Variants in LMNTD1 observed in about 807,000 individuals in gnomAD.
The protein encoded by LMNTD1 is lamin tail domain containing 1.
A neutral mutation model predicts 50.9 loss-of-function variants in LMNTD1; 35 were observed. The observed-to-expected ratio is 0.69, with a 90% confidence interval of 0.53 to 0.91. The LOEUF (loss-of-function observed/expected upper bound fraction) is 0.91, where lower values mean the gene tolerates loss of function less well. LMNTD1 is among the 40% of genes least tolerant of loss of function. The pLI, the probability that LMNTD1 is intolerant of heterozygous loss-of-function variation, is 0.00. For synonymous variants in LMNTD1, 153 were observed against 161.9 expected (o/e 0.94, Z 0.42); for missense variants, 470 against 475.5 (o/e 0.99, Z 0.11).
chr12:25,542,174 G>T (rs1328857239), intron 4 of LMNTD1, among the ~76,000 whole-genome samples: 2 of 151,970 alleles, frequency 1.3e-5, no homozygotes, highest in Admixed American at 1.3e-4. Flanking sequence ...CGATTCCTCA[G>T]GGATCTAGAA....
chr12:25,478,222 C>T (rs774287622), intron 9 of LMNTD1, among the ~76,000 whole-genome samples: 2 of 152,136 alleles, frequency 1.3e-5, no homozygotes, highest in Non-Finnish European at 2.9e-5. Flanking sequence ...CAAGTCCACC[C>T]TTTGTCAACT....
At chr12:25,562,291 G>C (rs189830945) in intron 1 of LMNTD1, among the ~76,000 whole-genome samples, 27 of 152,290 alleles carry the variant, frequency 1.8e-4, no homozygotes, top group African/African-American at 6.0e-4. Flanking sequence ...TCCTTTCCAT[G>C]TTTAGTGCTT....
At chr12:25,555,883 TCAA>T (rs1273515721), upstream of LMNTD1, among the ~76,000 whole-genome samples, 1 of 150,898 alleles carries the variant, frequency 6.6e-6, no homozygotes, top group East Asian at 1.9e-4. Context: ...AATGGTGTCA[TCAA>T]CATGGCTGTG....
intron 1 of LMNTD1, among the ~76,000 whole-genome samples, chr12:25,594,083 T>C (rs1351649297): frequency 6.6e-6 from 1 of 152,170 alleles, no homozygotes; most frequent in Non-Finnish European, 1.5e-5. Context: ...CGACCAAACC[T>C]AACAATAATT....
intron 9 of LMNTD1, among the ~76,000 whole-genome samples, chr12:25,481,017 T>G (rs1434905950): frequency 6.6e-6 from 1 of 152,176 alleles, no homozygotes; most frequent in Non-Finnish European, 1.5e-5. Flanking sequence ...TCTACTCTCC[T>G]CCCATACTCA....
chr12:25,542,766 A>G (rs556099231), intron 4 of LMNTD1, among the ~76,000 whole-genome samples: 1 of 149,230 alleles, frequency 6.7e-6, no homozygotes, highest in South Asian at 2.1e-4. Context: ...AAAAAGCCCA[A>G]AGTAGACAGA....
intron 9 of LMNTD1, among the ~76,000 whole-genome samples, chr12:25,490,498 C>T (rs1938848811): frequency 6.6e-6 from 1 of 152,096 alleles, no homozygotes; most frequent in South Asian, 2.1e-4. Flanking sequence ...AAGTGAAGCC[C>T]TTACATTCTT....
intron 9 of LMNTD1, among the ~76,000 whole-genome samples, chr12:25,479,005 A>G (rs1183561165): frequency 6.6e-6 from 1 of 152,112 alleles, no homozygotes; most frequent in African/African-American, 2.4e-5. Context: ...GGTAATACTA[A>G]GAGATGCCCT....
intron 4 of LMNTD1, among the ~76,000 whole-genome samples, chr12:25,527,681 T>TATATATACACACAC (rs1463259109): frequency 3.4e-4 from 11 of 32,338 alleles, no homozygotes; most frequent in South Asian, 1.0e-3. Flanking sequence ...TATATATATA[T>TATATATACACACAC]ACACACACAC....
chr12:25,505,288 G>A (rs118093699), intron 8 of LMNTD1, among the ~76,000 whole-genome samples: 2,573 of 152,182 alleles, frequency 0.017, 35 homozygotes, highest in Non-Finnish European at 0.023. Context: ...TAAAGAAATG[G>A]ACATCTATTT....
At chr12:25,566,887 T>C (rs1037239913) in intron 1 of LMNTD1, among the ~76,000 whole-genome samples, 1 of 152,186 alleles carries the variant, frequency 6.6e-6, no homozygotes, top group Admixed American at 6.5e-5. Context: ...TCTTGACAAT[T>C]TGAAGTGTAA....
At chr12:25,537,556 A>G (rs886592748) in intron 4 of LMNTD1, among the ~76,000 whole-genome samples, 3 of 151,998 alleles carry the variant, frequency 2.0e-5, no homozygotes, top group African/African-American at 7.2e-5. Flanking sequence ...GGACATCCAC[A>G]CCAAAAACCC....
intron 1 of LMNTD1, among the ~76,000 whole-genome samples, chr12:25,579,379 A>C (rs1439917621): frequency 6.6e-6 from 1 of 152,172 alleles, no homozygotes; most frequent in African/African-American, 2.4e-5. Flanking sequence ...TAAAGTATAC[A>C]GGTGGTATGT....
chr12:25,573,818 A>C lies in LMNTD1; in HGVS notation c.59-27264T>G, dbSNP rs184359628. Among the ~76,000 whole-genome samples, 14 of 152,194 alleles carry C rather than the reference A, an allele frequency of 9.2e-5. No homozygotes were observed. The South Asian group carries it at 2.5e-3, about 27-fold the overall frequency. ...CCTGATGAGTTAATCTTCACCTACC[A>C]CATGAGTCTCCCTGTCTCATGCTAT... On this transcript the variant is annotated intron_variant, in intron 1 of 7. Transcript: ENST00000445693.
intron 1 of LMNTD1, among the ~76,000 whole-genome samples, chr12:25,624,412 G>C (rs2136574565): frequency 6.6e-6 from 1 of 152,256 alleles, no homozygotes; most frequent in Middle Eastern, 3.4e-3. Flanking sequence ...CTGTGATATA[G>C]AGCAAAGCTA....
At chr12:25,514,820 A>G (rs1180984903) in intron 8 of LMNTD1, among the ~76,000 whole-genome samples, 2 of 152,132 alleles carry the variant, frequency 1.3e-5, no homozygotes, top group African/African-American at 4.8e-5. Context: ...TATGCACAAC[A>G]CCACTATTAA....
intron 8 of LMNTD1, among the ~76,000 whole-genome samples, chr12:25,506,744 T>TAA (rs1414699503): frequency 1.3e-5 from 2 of 151,412 alleles, no homozygotes; most frequent in Admixed American, 6.6e-5. Context: ...AAATTGGTCT[T>TAA]ATTTATTTTA....
chr12:25,562,630 C>T (rs1177498368), intron 1 of LMNTD1, among the ~76,000 whole-genome samples: 7 of 152,112 alleles, frequency 4.6e-5, no homozygotes, highest in South Asian at 2.1e-4. Flanking sequence ...TGGCTCTTCT[C>T]GAGAAGTATC....
intron 1 of LMNTD1, among the ~76,000 whole-genome samples, chr12:25,605,019 G>C (rs1196112144): frequency 6.6e-6 from 1 of 152,074 alleles, no homozygotes; most frequent in South Asian, 2.1e-4. Context: ...GTTGTTTCCT[G>C]ACTTCTTAAT....
Sources: allele counts gnomAD v4.1 joint callset (sites outside exome capture counted in the v4.1 genomes callset), GRCh38; gene constraint gnomAD v4.1.1; transcripts MANE v1.5; gene names NCBI Gene and HGNC (gene_info 2026-07-23, HGNC 2026-07-21).